The following DUSP22 variants were observed in gnomAD, a reference collection of about 807,000 sequenced individuals.
The protein encoded by DUSP22 is dual specificity phosphatase 22.
DUSP22 carries 24 observed loss-of-function variants against 24.5 expected under a neutral mutation model. The observed-to-expected ratio is 0.98, with a 90% confidence interval of 0.71 to 1.38. The LOEUF is 1.38. Among genes scored for constraint, DUSP22 ranks in the 40% most tolerant of loss-of-function variants. The pLI is 0.00. For missense variants in DUSP22, 330 were observed against 269.2 expected (o/e 1.23, Z -1.58); for synonymous variants, 160 against 106.4 (o/e 1.50, Z -3.10).
chr6:303,656 T>C (rs905333373), intron 1 of DUSP22, among the ~76,000 whole-genome samples: 1 of 152,308 alleles, frequency 6.6e-6, no homozygotes, highest in Non-Finnish European at 1.5e-5. Context: ...TGGTTGTATG[T>C]GCTTGGAAAT....
chr6:313,240 C>T (rs902246155), intron 3 of DUSP22, among the ~76,000 whole-genome samples: 3 of 152,302 alleles, frequency 2.0e-5, no homozygotes, highest in Non-Finnish European at 4.4e-5. Context: ...TGCAGAGATG[C>T]CCTCTCCACC....
intron 1 of DUSP22, among the ~76,000 whole-genome samples, chr6:297,793 G>A (rs904666775): frequency 4.6e-5 from 7 of 152,298 alleles, no homozygotes; most frequent in African/African-American, 9.6e-5. Flanking sequence ...GTTTTCATAC[G>A]GGAAGGGCTG....
At position 350,414 on chromosome 6, in the gene DUSP22, C is replaced by T; in HGVS notation, c.*1463C>T. ...ACTCGAATGAAAAAACATACTCGAC[C>T]TCTCCCTAAAAAGATGTTGCAACCC... On this transcript the variant is annotated 3_prime_UTR_variant, in exon 7 of 7. Transcript: ENST00000419235. 1 of 1,107,848 alleles carries T rather than the reference C, an allele frequency of 9.0e-7. No homozygotes were observed. Among genetic ancestry groups the T allele is most frequent in the Non-Finnish European group, 1.1e-6 (1 of 904,868 alleles). 68.6% of individuals were successfully genotyped at this position (1,107,848 alleles called of 1,614,324 possible).
At chr6:335,250 T>G (rs1438024588) in intron 4 of DUSP22, 87 bp downstream of exon 4, 1 of 1,544,414 alleles carries the variant, frequency 6.5e-7, no homozygotes, top group Non-Finnish European at 8.9e-7. Context: ...GACTGTGAAG[T>G]TGTCAGAGCT....
At chr6:320,805 G>A (rs746995686) in intron 3 of DUSP22, among the ~76,000 whole-genome samples, 65 of 152,386 alleles carry the variant, frequency 4.3e-4, no homozygotes, top group Non-Finnish European at 7.5e-4. Flanking sequence ...GAGTGGAGGC[G>A]GTGGTCAGTA....
chr6:327,416 T>C (rs970620095), intron 3 of DUSP22, among the ~76,000 whole-genome samples: 3 of 152,302 alleles, frequency 2.0e-5, no homozygotes, highest in African/African-American at 7.2e-5. Context: ...AGCAGTGCTG[T>C]CAGGGCGCAT....
chr6:318,340 C>T (rs1758427478), intron 3 of DUSP22, among the ~76,000 whole-genome samples: 1 of 152,304 alleles, frequency 6.6e-6, no homozygotes, highest in South Asian at 2.1e-4. Context: ...AACGCTGTCA[C>T]AGACTTCATG....
At chr6:298,577 G>A (rs1162085994) in intron 1 of DUSP22, among the ~76,000 whole-genome samples, 2 of 152,308 alleles carry the variant, frequency 1.3e-5, no homozygotes, top group African/African-American at 4.8e-5. Context: ...TGTGGCTGAG[G>A]ATTTGTGTTT....
At chr6:327,794 C>T (rs1361195110) in intron 3 of DUSP22, among the ~76,000 whole-genome samples, 2 of 152,292 alleles carry the variant, frequency 1.3e-5, no homozygotes, top group Non-Finnish European at 2.9e-5. Context: ...GAGAGAAAAC[C>T]ACAGGGACTT....
chr6:348,003 T>A lies in DUSP22; in HGVS notation c.264-100T>A, dbSNP rs1446891218. 1.1e-5 allele frequency: 17 copies of A among 1,531,354 alleles called. No individual in the cohort carries two copies. The East Asian group carries it at 3.4e-4, about 31-fold the overall frequency. The allele number at this position is 1,531,354 out of a possible 1,614,324, so 94.9% of individuals were successfully genotyped here. On this transcript the variant is annotated intron_variant, in intron 5 of 6. Transcript: ENST00000419235. Reference sequence around the variant, plus strand: ...CATATAATCCAAGGCAGGAAGACTTTCTGAACAAGGTCCTTAGAGTCCCCC... The same window carrying A: ...CATATAATCCAAGGCAGGAAGACTTACTGAACAAGGTCCTTAGAGTCCCCC...
intron 3 of DUSP22, among the ~76,000 whole-genome samples, chr6:319,653 A>G (rs1489546968): frequency 6.6e-6 from 1 of 152,300 alleles, no homozygotes; most frequent in Non-Finnish European, 1.5e-5. Context: ...GAATTCAGCT[A>G]TCTTACCGAA....
chr6:313,097 C>G (rs1295600712), intron 3 of DUSP22, among the ~76,000 whole-genome samples: 1 of 151,960 alleles, frequency 6.6e-6, no homozygotes, highest in Non-Finnish European at 1.5e-5. Context: ...ATTTTTTAAT[C>G]TGTCAACAAT....
Position 349,142 on chromosome 6 carries a change from G to T in DUSP22, c.*191G>T. On this transcript the variant is annotated 3_prime_UTR_variant, in exon 7 of 7. Transcript: ENST00000419235. ...CCTGCACTCCGCCCACCCCTACCCT[G>T]GCTGCACCTGAGCTTGCTGCCCCTG... is the stretch of plus-strand genomic sequence containing the variant. 1 of 1,435,852 alleles carries T rather than the reference G, an allele frequency of 7.0e-7. No individual in the cohort carries two copies. Among genetic ancestry groups the T allele is most frequent in the East Asian group, 2.5e-5 (1 of 39,744 alleles). The allele number at this position is 1,435,852 out of a possible 1,614,324, so 88.9% of individuals were successfully genotyped here. A position where few individuals can be genotyped will look rare whatever the true frequency, so the allele number is the denominator to read the frequency against.
At chr6:330,372 G>C (rs1037265008) in intron 3 of DUSP22, among the ~76,000 whole-genome samples, 13 of 152,420 alleles carry the variant, frequency 8.5e-5, no homozygotes, top group Admixed American at 3.9e-4. Flanking sequence ...CATGGCTTCT[G>C]AAGGGTTTAT....
rs1482918221 is a variant in DUSP22, at chr6:348,997, G to A, written c.*46G>A. ...CCTTCCCACTGCTTGTCTTCAGTGT[G>A]CCCGGCTGGGCAGGGGTGCGGTGGT... On this transcript the variant is annotated 3_prime_UTR_variant, in exon 7 of 7. Coordinates refer to ENST00000419235, the MANE Select transcript of DUSP22 (RefSeq NM_001286555.3). 1.3e-6 allele frequency: 2 copies of A among 1,549,732 alleles called. No homozygotes were observed. The highest frequency in any genetic ancestry group is 1.7e-6 in the Non-Finnish European group (2 of 1,146,368).
chr6:343,961 C>G (rs1431216862), intron 4 of DUSP22, among the ~76,000 whole-genome samples: 1 of 152,308 alleles, frequency 6.6e-6, no homozygotes, highest in African/African-American at 2.4e-5. Context: ...GCAACTTTTG[C>G]TGTTTTATAA....
intron 3 of DUSP22, among the ~76,000 whole-genome samples, chr6:322,428 T>C (rs1477054356): frequency 6.6e-6 from 1 of 152,304 alleles, no homozygotes; most frequent in East Asian, 1.9e-4. Flanking sequence ...CAGGGTACTC[T>C]GGCCCCAGTG....
At chr6:341,201 T>C (rs912819197) in intron 4 of DUSP22, among the ~76,000 whole-genome samples, 3 of 152,426 alleles carry the variant, frequency 2.0e-5, no homozygotes, top group Admixed American at 2.0e-4. Context: ...CCGTGCTTCC[T>C]TGTGCAGCAT....
At chr6:320,968 A>G (rs1290188170) in intron 3 of DUSP22, among the ~76,000 whole-genome samples, 1 of 152,306 alleles carries the variant, frequency 6.6e-6, no homozygotes, top group Admixed American at 6.5e-5. Flanking sequence ...AACATTAAGG[A>G]TTGACAGGCG....
Sources: allele counts gnomAD v4.1 joint callset (sites outside exome capture counted in the v4.1 genomes callset), GRCh38; gene constraint gnomAD v4.1.1; transcripts MANE v1.5; gene names NCBI Gene and HGNC (gene_info 2026-07-23, HGNC 2026-07-21).